ODF2L: variants seen among roughly 807,000 people sequenced by gnomAD.
ODF2L encodes protein BCAP.
In ODF2L, 76 loss-of-function variants were observed where a neutral mutation model predicts 86.3. The observed-to-expected ratio is 0.88, with a 90% CI of 0.73 to 1.07. The LOEUF is 1.07. ODF2L is among the 50% of genes least tolerant of loss of function. The pLI is 0.00. For missense variants in ODF2L, 748 were observed against 717.4 expected (o/e 1.04, Z -0.49); for synonymous variants, 241 against 231.3 (o/e 1.04, Z -0.38).
chr1:86,358,373 T>C (rs1365240187), intron 13 of ODF2L: 2 of 152,670 alleles, frequency 1.3e-5, no homozygotes, highest in African/African-American at 4.8e-5. Context: ...TTTTAAAAGA[T>C]ATTATTTTTC....
chr1:86,384,616 A>G lies in ODF2L; in HGVS notation c.372+60T>C, dbSNP rs555552792. The stretch of plus-strand genomic sequence containing the variant: ...CAATAATTTCTACAGTTTAAAAATA[A>G]TGTATCCTTCAAATGAGAAATATCA... On this transcript the variant is annotated intron_variant, in intron 4 of 17. Coordinates refer to ENST00000317336, the Ensembl canonical transcript of ODF2L. 656 of 1,098,234 alleles carry G rather than the reference A, an allele frequency of 6.0e-4. 1 individual carries two copies. Among genetic ancestry groups the G allele is most frequent in the Admixed American group, 1.3e-3 (41 of 31,514 alleles). The allele number at this position is 1,098,234 out of a possible 1,614,324, so 68.0% of individuals were successfully genotyped here. A position where few individuals can be genotyped will look rare whatever the true frequency, so the allele number is the denominator to read the frequency against.
chr1:86,361,120 GTC>G (rs1013064123), intron 11 of ODF2L, among the ~76,000 whole-genome samples: 2 of 152,196 alleles, frequency 1.3e-5, no homozygotes, highest in African/African-American at 4.8e-5. Flanking sequence ...AAATGTAAAA[GTC>G]TGAGATTTTA....
chr1:86,354,466 A>C (rs1658381780), intron 16 of ODF2L, 64 bp downstream of exon 15: 1 of 1,039,634 alleles, frequency 9.6e-7, no homozygotes, highest in Non-Finnish European at 1.4e-6. Flanking sequence ...AGGTTGCAAG[A>C]TGTTTAAAAA....
At chr1:86,375,904 C>A (rs1018558794) in intron 8 of ODF2L, among the ~76,000 whole-genome samples, 11 of 152,120 alleles carry the variant, frequency 7.2e-5, no homozygotes, top group Admixed American at 3.3e-4. Context: ...CTAACATAGA[C>A]CACAATGTCC....
chr1:86,380,088 ATG>A (rs1660461067), intron 7 of ODF2L, among the ~76,000 whole-genome samples: 1 of 152,206 alleles, frequency 6.6e-6, no homozygotes, highest in Non-Finnish European at 1.5e-5. Flanking sequence ...ACTGAAATGA[ATG>A]TGAAATTATC....
intron 11 of ODF2L, among the ~76,000 whole-genome samples, chr1:86,361,424 C>A (rs908207603): frequency 6.6e-6 from 1 of 152,176 alleles, no homozygotes; most frequent in Non-Finnish European, 1.5e-5. Context: ...AAGGGAGACA[C>A]GGTTACCATA....
intron 13 of ODF2L, chr1:86,357,852 T>C (rs1000953608): frequency 4.1e-6 from 4 of 985,326 alleles, no homozygotes; most frequent in East Asian, 1.1e-4. Flanking sequence ...TTGAACAGGA[T>C]TGTAAAATAT....
intron 11 of ODF2L, among the ~76,000 whole-genome samples, chr1:86,362,580 C>G (rs559199923): frequency 6.6e-6 from 1 of 152,280 alleles, no homozygotes; most frequent in South Asian, 2.1e-4. Flanking sequence ...CATGAGCCAC[C>G]GTGCCCAGGC....
intron 11 of ODF2L, chr1:86,368,485 A>C (rs1659591225): frequency 1.7e-6 from 1 of 585,552 alleles, no homozygotes. Flanking sequence ...TTGTTTAGAA[A>C]TTTAAAACTA....
chr1:86,358,214 C>T (rs1658741676), intron 13 of ODF2L: 1 of 309,136 alleles, frequency 3.2e-6, no homozygotes, highest in Non-Finnish European at 4.7e-6. Context: ...ACAACTTTCA[C>T]TGCTTCTTTA....
chr1:86,359,895 T>TA (rs1481479315), intron 12 of ODF2L, among the ~76,000 whole-genome samples: 4 of 152,286 alleles, frequency 2.6e-5, no homozygotes, highest in African/African-American at 9.6e-5. Context: ...AGTCCCATCT[T>TA]ATGAAGTTTT....
At chr1:86,362,262 TCTGA>T (rs1227873274) in intron 11 of ODF2L, among the ~76,000 whole-genome samples, 1 of 151,734 alleles carries the variant, frequency 6.6e-6, no homozygotes, top group Non-Finnish European at 1.5e-5. Flanking sequence ...AGTGACACGA[TCTGA>T]CTAAATTTTT....
At chr1:86,395,660 T>C (rs182404481) in intron 1 of ODF2L, among the ~76,000 whole-genome samples, 15 of 152,228 alleles carry the variant, frequency 9.9e-5, no homozygotes, top group African/African-American at 3.4e-4. Context: ...ATCTGATATA[T>C]CACATGATGG....
chr1:86,377,086 T>C (rs1034403904), intron 7 of ODF2L, among the ~76,000 whole-genome samples: 4 of 151,994 alleles, frequency 2.6e-5, no homozygotes, highest in Non-Finnish European at 5.9e-5. Context: ...CAAGAAACAA[T>C]GGGGGCACAG....
At chr1:86,361,617 A>G (rs997043311) in intron 11 of ODF2L, among the ~76,000 whole-genome samples, 1 of 152,228 alleles carries the variant, frequency 6.6e-6, no homozygotes, top group African/African-American at 2.4e-5. Context: ...GGCAAACAAA[A>G]TATGAAAAAG....
chr1:86,375,910 T>A (rs1225723321), intron 8 of ODF2L, among the ~76,000 whole-genome samples: 1 of 152,158 alleles, frequency 6.6e-6, no homozygotes, highest in Non-Finnish European at 1.5e-5. Flanking sequence ...TAGACCACAA[T>A]GTCCCAAGGG....
chr1:86,360,352 T>G, intron 12 of ODF2L, 74 bp downstream of exon 11: 2 of 690,948 alleles, frequency 2.9e-6, no homozygotes, highest in Non-Finnish European at 5.0e-6. Flanking sequence ...GTTCTATTTA[T>G]TTAGATTACA....
intron 12 of ODF2L, among the ~76,000 whole-genome samples, chr1:86,359,347 T>A (rs967330970): frequency 6.6e-6 from 1 of 152,058 alleles, no homozygotes; most frequent in African/African-American, 2.4e-5. Context: ...AAGACCCTGA[T>A]GAATAACAAG....
At position 86,356,610 on chromosome 1, in the gene ODF2L, G is replaced by T. The variant is rs1392105962; in HGVS notation, c.1360-8C>A. Reference sequence around the variant, plus strand: ...CTCCATCTGGCCTCTCATCTGAGTTGTGGCAGTAGGGAAATAAGTGCAAGA... The same window carrying T: ...CTCCATCTGGCCTCTCATCTGAGTTTTGGCAGTAGGGAAATAAGTGCAAGA... On this transcript the variant is annotated splice_polypyrimidine_tract_variant and splice_region_variant and intron_variant, in intron 13 of 17. Transcript: ENST00000317336. The T allele has an allele frequency of 1.2e-6, 2 of 1,609,044 alleles. No homozygotes were observed. The highest frequency in any genetic ancestry group is 2.7e-5 in the African/African-American group (2 of 74,910).
Sources: gnomAD v4.1 joint callset for allele counts (sites outside exome capture counted in the v4.1 genomes callset) on GRCh38, gnomAD v4.1.1 for gene constraint, MANE v1.5 for transcripts, NCBI Gene and HGNC (gene_info 2026-07-23, HGNC 2026-07-21) for gene names.